TANC2: variants seen among roughly 807,000 people sequenced by gnomAD.
TANC2 encodes tetratricopeptide repeat, ankyrin repeat and coiled-coil containing 2.
A neutral mutation model predicts 210.5 loss-of-function variants in TANC2; 26 were observed. The observed-to-expected ratio is 0.12, with a 90% CI of 0.09 to 0.17. TANC2 has a LOEUF of 0.17. Ranked by LOEUF, TANC2 falls within the 10% of genes least tolerant of loss-of-function variation. The pLI, the probability that TANC2 is intolerant of heterozygous loss-of-function variation, is 1.00. For missense variants in TANC2, 2,129 were observed against 2,608.9 expected, an observed-to-expected ratio of 0.82 and a Z score of 4.01; for synonymous variants, 931 against 967.1, an observed-to-expected ratio of 0.96 and a Z score of 0.69.
chr17:63,052,424 G>A (rs1407300678), intron 2 of TANC2, among the ~76,000 whole-genome samples: 1 of 152,256 alleles, frequency 6.6e-6, no homozygotes, highest in East Asian at 1.9e-4. Flanking sequence ...TACATTTTAT[G>A]CAGAGGAGAG....
intron 7 of TANC2, among the ~76,000 whole-genome samples, chr17:63,226,276 G>A (rs143172941): frequency 6.3e-4 from 96 of 152,300 alleles, no homozygotes; most frequent in African/African-American, 2.3e-3. Flanking sequence ...TAGAACCAAA[G>A]TAATCTTTCC....
At chr17:63,360,533 A>G (rs1012789024) in intron 14 of TANC2, among the ~76,000 whole-genome samples, 2 of 152,168 alleles carry the variant, frequency 1.3e-5, no homozygotes, top group Admixed American at 6.5e-5. Flanking sequence ...ACATATATAT[A>G]TATATGGTTA....
In TANC2 at chr17:63,009,486, C is replaced by G. The variant is rs942753446; in HGVS notation, c.-23-51C>G. ...TATTGACTATAGTCACCCTCTTATG[C>G]TATGAAAATAAAGTTTTCTTAAACA... On this transcript the variant is annotated intron_variant, in intron 1 of 27. Transcript: ENST00000689528. The G allele has an allele frequency of 1.7e-5, 22 of 1,287,772 alleles. No homozygotes were observed. In the African/African-American group the frequency reaches 2.9e-4, roughly 17 times the overall value. The allele number at this position is 1,287,772 out of a possible 1,614,324, so 79.8% of individuals were successfully genotyped here.
intron 2 of TANC2, among the ~76,000 whole-genome samples, chr17:63,060,862 T>C (rs1330102700): frequency 6.6e-6 from 1 of 152,206 alleles, no homozygotes; most frequent in Non-Finnish European, 1.5e-5. Flanking sequence ...GCTCAGATTC[T>C]TTGTGTATTT....
At chr17:63,001,377 G>A (rs1291046155) in intron 1 of TANC2, among the ~76,000 whole-genome samples, 1 of 151,894 alleles carries the variant, frequency 6.6e-6, no homozygotes, top group Non-Finnish European at 1.5e-5. Context: ...CTTTTATTAT[G>A]CCCCTTCTTT....
chr17:63,194,048 T>A (rs764388206), exon 6 of TANC2: 1 of 1,613,202 alleles, frequency 6.2e-7, no homozygotes, highest in South Asian at 1.1e-5. Flanking sequence ...GCAAACACAC[T>A]CATGACTCGT....
At chr17:63,187,493 A>G (rs1327591824) in intron 5 of TANC2, among the ~76,000 whole-genome samples, 1 of 152,130 alleles carries the variant, frequency 6.6e-6, no homozygotes, top group Non-Finnish European at 1.5e-5. Context: ...AGCTATTATT[A>G]TAGCTAATAA....
chr17:63,134,132 TG>T, intron 4 of TANC2, among the ~76,000 whole-genome samples: 1 of 152,098 alleles, frequency 6.6e-6, no homozygotes, highest in East Asian at 1.9e-4. Flanking sequence ...ATCCTTCTTG[TG>T]GGGAGAGGTG....
chr17:63,079,741 G>C (rs1031359965), intron 3 of TANC2, among the ~76,000 whole-genome samples: 13 of 152,164 alleles, frequency 8.5e-5, no homozygotes, highest in Admixed American at 5.9e-4. Context: ...TATGTTGTCT[G>C]TTGGACTGTG....
At chr17:63,099,972 G>A (rs7207663) in intron 4 of TANC2, among the ~76,000 whole-genome samples, 90,909 of 151,882 alleles carry the variant, frequency 0.6, 29,776 homozygotes, top group African/African-American at 0.87. Context: ...GTCCTTTTAC[G>A]TCTTTTCAGG....
intron 2 of TANC2, among the ~76,000 whole-genome samples, chr17:63,031,868 A>C (rs1424520876): frequency 6.6e-6 from 1 of 152,184 alleles, no homozygotes; most frequent in Non-Finnish European, 1.5e-5. Context: ...GAAGGACTCA[A>C]TCTCAGACTG....
intron 2 of TANC2, among the ~76,000 whole-genome samples, chr17:63,027,549 G>T (rs1423055130): frequency 1.3e-5 from 2 of 151,866 alleles, no homozygotes; most frequent in Non-Finnish European, 2.9e-5. Context: ...AAAACCTCTT[G>T]ATAACAGATT....
chr17:63,337,980 T>C (rs1224584969), intron 11 of TANC2, among the ~76,000 whole-genome samples: 2 of 152,242 alleles, frequency 1.3e-5, no homozygotes, highest in Non-Finnish European at 2.9e-5. Flanking sequence ...TAGTATTCCA[T>C]GGTGTATATG....
chr17:63,040,025 A>G (rs990051087), intron 2 of TANC2, among the ~76,000 whole-genome samples: 6 of 152,086 alleles, frequency 3.9e-5, no homozygotes, highest in African/African-American at 1.4e-4. Context: ...GCTCCTGCCA[A>G]TGTCTCTTTC....
exon 28 of TANC2, chr17:63,422,992 CTTCCTG>C (rs2049062469): frequency 6.6e-6 from 1 of 152,198 alleles, no homozygotes. Flanking sequence ...TAGTGGCCCT[CTTCCTG>C]TAAACCCAGA....
chr17:63,358,216 T>G (rs2046834175), intron 14 of TANC2, among the ~76,000 whole-genome samples: 1 of 152,178 alleles, frequency 6.6e-6, no homozygotes, highest in African/African-American at 2.4e-5. Flanking sequence ...GAGTTTTCAT[T>G]ATTTTGAATA....
At chr17:63,323,716 A>G (rs2045564709) in intron 11 of TANC2, among the ~76,000 whole-genome samples, 1 of 152,182 alleles carries the variant, frequency 6.6e-6, no homozygotes. Context: ...GAGGTACATC[A>G]TTATCTCATT....
At chr17:63,166,822 G>A (rs2040226197) in intron 5 of TANC2, among the ~76,000 whole-genome samples, 1 of 152,174 alleles carries the variant, frequency 6.6e-6, no homozygotes, top group African/African-American at 2.4e-5. Flanking sequence ...TGGGGAAAAT[G>A]TTCGAGTTGT....
At chr17:63,170,654 A>G (rs905063875) in intron 5 of TANC2, among the ~76,000 whole-genome samples, 1 of 152,146 alleles carries the variant, frequency 6.6e-6, no homozygotes, top group Non-Finnish European at 1.5e-5. Flanking sequence ...ACTGTGCTCT[A>G]AAAGACTCTT....
Sources: allele counts gnomAD v4.1 joint callset (sites outside exome capture counted in the v4.1 genomes callset), GRCh38; gene constraint gnomAD v4.1.1; transcripts MANE v1.5; gene names NCBI Gene and HGNC (gene_info 2026-07-23, HGNC 2026-07-21).